The following ADAMTSL3 variants were observed in gnomAD, a reference collection of about 807,000 sequenced individuals.
ADAMTSL3 encodes ADAMTS like 3.
A neutral mutation model predicts 201.7 loss-of-function variants in ADAMTSL3; 128 were observed. The observed-to-expected ratio is 0.63, with a 90% CI of 0.55 to 0.73. The LOEUF is 0.73. ADAMTSL3 is among the 30% of genes least tolerant of loss of function. The pLI, the probability that ADAMTSL3 is intolerant of heterozygous loss-of-function variation, is 0.00. For missense variants in ADAMTSL3, 1,990 were observed against 2,119.6 expected, an observed-to-expected ratio of 0.94 and a Z score of 1.20; for synonymous variants, 738 against 748.4, an observed-to-expected ratio of 0.99 and a Z score of 0.23.
intron 9 of ADAMTSL3, among the ~76,000 whole-genome samples, chr15:83,881,880 G>T (rs1420597628): frequency 6.6e-6 from 1 of 150,930 alleles, no homozygotes; most frequent in Admixed American, 6.6e-5. Flanking sequence ...AAGGCCGGGC[G>T]CGATGGCTCA....
At chr15:83,853,011 G>A (rs1001695647) in intron 7 of ADAMTSL3, among the ~76,000 whole-genome samples, 7 of 151,884 alleles carry the variant, frequency 4.6e-5, no homozygotes, top group South Asian at 2.1e-4. Context: ...CACCCACCAC[G>A]CCCAGCTAAA....
chr15:83,945,237 C>T (rs1243038543), intron 19 of ADAMTSL3, among the ~76,000 whole-genome samples: 1 of 152,136 alleles, frequency 6.6e-6, no homozygotes, highest in Non-Finnish European at 1.5e-5. Context: ...GGCCACAGCT[C>T]TCCCCGGAAA....
chr15:83,887,670 G>C (rs1427103851), intron 10 of ADAMTSL3, among the ~76,000 whole-genome samples: 5 of 152,168 alleles, frequency 3.3e-5, no homozygotes, highest in Non-Finnish European at 5.9e-5. Context: ...GCCCAGGCTA[G>C]ACTCAAACTC....
intron 27 of ADAMTSL3, 143 bp from the exon 28 acceptor site, chr15:84,031,192 C>G: frequency 1.3e-6 from 1 of 759,926 alleles, no homozygotes; most frequent in Non-Finnish European, 2.2e-6. Flanking sequence ...GTACCCTAAT[C>G]CTCTTTAACT....
Position 83,982,602 on chromosome 15 carries a change from G to A in ADAMTSL3, c.2974G>A (p.Val992Met), listed in dbSNP as rs1403793493. Residue 992 changes from valine (V) to methionine (M), a missense_variant, in exon 21 of 30, where the codon GTG becomes ATG. By Grantham distance (21) the Val-to-Met change is conservative. Transcript: ENST00000286744. ...CIAGSAQETV[V>M]LKLIGTDNRL... ...TGCAGGCTCTGCACAGGAAACAGTT[G>A]TGCTCAAGCTCATTGGTACTGACAA... 1.2e-6 allele frequency: 2 copies of A among 1,614,166 alleles called. No homozygotes were observed. The highest frequency in any genetic ancestry group is 1.7e-6 in the Non-Finnish European group (2 of 1,180,034).
intron 17 of ADAMTSL3, among the ~76,000 whole-genome samples, chr15:83,931,808 A>G (rs912481643): frequency 6.6e-6 from 1 of 152,204 alleles, no homozygotes; most frequent in African/African-American, 2.4e-5. Context: ...TCCCAAAGCA[A>G]TTGTAGCAAA....
intron 6 of ADAMTSL3, among the ~76,000 whole-genome samples, chr15:83,821,602 C>G (rs1224713693): frequency 1.3e-5 from 2 of 151,380 alleles, no homozygotes; most frequent in Non-Finnish European, 3.0e-5. Context: ...AAGAATTTTT[C>G]TTAGTACAGA....
chr15:83,674,460 TG>T (rs2061366955), intron 2 of ADAMTSL3, among the ~76,000 whole-genome samples: 1 of 151,910 alleles, frequency 6.6e-6, no homozygotes. Context: ...TTCTTCATTT[TG>T]TTCCATTGAT....
intron 23 of ADAMTSL3, among the ~76,000 whole-genome samples, chr15:84,001,898 AGAATGTG>A (rs1214810516): frequency 6.6e-6 from 1 of 152,248 alleles, no homozygotes; most frequent in Non-Finnish European, 1.5e-5. Flanking sequence ...GCAGTGGGAA[AGAATGTG>A]GCAAATTATG....
intron 28 of ADAMTSL3, among the ~76,000 whole-genome samples, chr15:84,035,365 G>C (rs2068485727): frequency 6.6e-6 from 1 of 152,184 alleles, no homozygotes; most frequent in Non-Finnish European, 1.5e-5. Context: ...TTGAATATTT[G>C]TTCAAGTTTC....
chr15:83,917,032 G>A (rs2066047096), intron 16 of ADAMTSL3, among the ~76,000 whole-genome samples: 1 of 152,188 alleles, frequency 6.6e-6, no homozygotes, highest in African/African-American at 2.4e-5. Context: ...GTCCACTAAT[G>A]TGTGAGTTAT....
chr15:83,655,592 G>A, intron 1 of ADAMTSL3, 137 bp from the exon 2 acceptor site: 2 of 641,596 alleles, frequency 3.1e-6, no homozygotes, highest in South Asian at 2.0e-5. Context: ...GTAGGCAGCG[G>A]CAACCTGGGC....
chr15:83,740,080 T>A (rs952011794), intron 3 of ADAMTSL3: 1 of 297,704 alleles, frequency 3.4e-6, no homozygotes, highest in African/African-American at 2.2e-5. Context: ...GGAATACCTA[T>A]GCCAGTAACT....
At chr15:83,806,724 C>G (rs774285768) in intron 5 of ADAMTSL3, among the ~76,000 whole-genome samples, 1 of 152,024 alleles carries the variant, frequency 6.6e-6, no homozygotes, top group Non-Finnish European at 1.5e-5. Flanking sequence ...TGTGGTGGCA[C>G]TCACCTGTAA....
At chr15:84,010,980 A>G (rs2067997257) in intron 23 of ADAMTSL3, among the ~76,000 whole-genome samples, 1 of 152,134 alleles carries the variant, frequency 6.6e-6, no homozygotes, top group Non-Finnish European at 1.5e-5. Context: ...GCACGCTCTT[A>G]TCTCTTTGAA....
chr15:83,698,539 C>T (rs904970690), intron 2 of ADAMTSL3, among the ~76,000 whole-genome samples: 1 of 152,154 alleles, frequency 6.6e-6, no homozygotes, highest in South Asian at 2.1e-4. Flanking sequence ...ACTTCCTGAT[C>T]CAGGCTTGTT....
chr15:83,770,996 A>G (rs1421633261), intron 3 of ADAMTSL3, among the ~76,000 whole-genome samples: 1 of 152,090 alleles, frequency 6.6e-6, no homozygotes, highest in South Asian at 2.1e-4. Context: ...GAACCCACCC[A>G]GGAGGTGGAG....
chr15:83,938,150 C>A (rs1453004376), intron 17 of ADAMTSL3, among the ~76,000 whole-genome samples: 1 of 147,928 alleles, frequency 6.8e-6, no homozygotes, highest in Non-Finnish European at 1.5e-5. Flanking sequence ...TTGTAAAACT[C>A]AGAGAGATTG....
intron 10 of ADAMTSL3, 140 bp downstream of exon 10, chr15:83,885,352 T>C: frequency 1.5e-6 from 1 of 682,846 alleles, no homozygotes; most frequent in Non-Finnish European, 2.5e-6. Context: ...GCAGCCTGAA[T>C]GCAATCGTGT....
Sources: gnomAD v4.1 joint callset for allele counts (sites outside exome capture counted in the v4.1 genomes callset) on GRCh38, gnomAD v4.1.1 for gene constraint, MANE v1.5 for transcripts, NCBI Gene and HGNC (gene_info 2026-07-23, HGNC 2026-07-21) for gene names.